Variants in SIL1 observed in about 807,000 individuals in gnomAD.
SIL1 encodes the protein SIL1 nucleotide exchange factor.
Under a neutral mutation model 49.1 loss-of-function variants are expected in SIL1, and 40 were observed. The ratio of observed to expected loss-of-function variants is 0.81; its 90% CI spans 0.63 to 1.06. SIL1 has a LOEUF of 1.06. Ranked by LOEUF, SIL1 falls within the 50% of genes least tolerant of loss-of-function variation. The probability of loss-of-function intolerance (pLI) is 0.00; values close to 1 mark genes in which losing one functional copy is unlikely to be tolerated. For synonymous variants in SIL1, 253 were observed against 250.8 expected (o/e 1.01, Z -0.08); for missense variants, 500 against 572.6 (o/e 0.87, Z 1.29).
intron 7 of SIL1, among the ~76,000 whole-genome samples, chr5:138,960,221 T>G (rs1274127297): frequency 6.6e-6 from 1 of 152,196 alleles, no homozygotes; most frequent in African/African-American, 2.4e-5. Flanking sequence ...TACATGGTTA[T>G]CTCTTCCTGA....
At chr5:139,087,542 C>A (rs995548724) in intron 3 of SIL1, among the ~76,000 whole-genome samples, 4 of 152,060 alleles carry the variant, frequency 2.6e-5, no homozygotes, top group Middle Eastern at 3.2e-3. Context: ...GAGACCCTAT[C>A]TCAAAAAATA....
intron 1 of SIL1, among the ~76,000 whole-genome samples, chr5:139,184,609 G>A (rs1241945539): frequency 6.6e-6 from 1 of 152,148 alleles, no homozygotes; most frequent in Non-Finnish European, 1.5e-5. Flanking sequence ...AGATTTTGAG[G>A]TTGCAGTGAG....
rs1037635695 is a variant in SIL1 at position 139,197,740 on chromosome 5, G to A, written c.-11+529C>T. Among the ~76,000 whole-genome samples the A allele has an allele frequency of 3.3e-5, 5 of 152,092 alleles. No homozygotes were observed. The South Asian group carries it at 6.2e-4, about 19-fold the overall frequency. On this transcript the variant is annotated intron_variant, in intron 1 of 9. Coordinates refer to ENST00000394817, the MANE Select transcript of SIL1 (RefSeq NM_022464.5). ...ACAGCTGCCCACGCACCATCTTATC[G>A]GAAATCCCAGGGAATGGAGCCCAAG... is the stretch of plus-strand genomic sequence containing the variant.
intron 3 of SIL1, among the ~76,000 whole-genome samples, chr5:139,077,517 C>T (rs2151768588): frequency 6.6e-6 from 1 of 152,270 alleles, no homozygotes; most frequent in Non-Finnish European, 1.5e-5. Context: ...TCCAGTCTAG[C>T]AACCTTTTTA....
intron 1 of SIL1, among the ~76,000 whole-genome samples, chr5:139,129,071 T>A (rs1750810096): frequency 6.6e-6 from 1 of 151,882 alleles, no homozygotes; most frequent in African/African-American, 2.4e-5. Context: ...CGCGTAAGCC[T>A]GGGAGGCAAA....
At chr5:139,183,848 G>C (rs1752034020) in intron 1 of SIL1, among the ~76,000 whole-genome samples, 1 of 152,116 alleles carries the variant, frequency 6.6e-6, no homozygotes, top group South Asian at 2.1e-4. Context: ...ACTCTCTCTG[G>C]GATGTGGAGC....
At chr5:139,189,784 G>A (rs2151822939) in intron 1 of SIL1, among the ~76,000 whole-genome samples, 1 of 152,292 alleles carries the variant, frequency 6.6e-6, no homozygotes, top group Non-Finnish European at 1.5e-5. Flanking sequence ...CTGTGCCACT[G>A]AACTCCAGCC....
At chr5:139,012,801 C>T (rs956168372) in intron 7 of SIL1, 3 of 152,136 alleles carry the variant, frequency 2.0e-5, no homozygotes, top group Non-Finnish European at 4.4e-5. Flanking sequence ...GACCCTGTCT[C>T]TACAAAACAA....
intron 7 of SIL1, among the ~76,000 whole-genome samples, chr5:139,006,486 T>C (rs1768121662): frequency 7.7e-6 from 1 of 130,058 alleles, no homozygotes; most frequent in Non-Finnish European, 1.6e-5. Context: ...TTTTGGCTTT[T>C]GTTGCCATTG....
At chr5:139,128,752 C>T (rs979710595) in intron 1 of SIL1, among the ~76,000 whole-genome samples, 18 of 152,122 alleles carry the variant, frequency 1.2e-4, no homozygotes, top group African/African-American at 4.3e-4. Context: ...CCCAAAGCAA[C>T]ATACAGATTC....
chr5:139,147,902 C>A (rs1751223941), intron 1 of SIL1, among the ~76,000 whole-genome samples: 1 of 152,132 alleles, frequency 6.6e-6, no homozygotes, highest in Admixed American at 6.6e-5. Context: ...CGTTCCCAGG[C>A]CCTGGCTTTG....
intron 3 of SIL1, among the ~76,000 whole-genome samples, chr5:139,066,598 T>G (rs1769711656): frequency 1.3e-5 from 2 of 152,244 alleles, no homozygotes; most frequent in African/African-American, 4.8e-5. Context: ...TCTTAGTCAT[T>G]TGGCTTCTTG....
intron 7 of SIL1, among the ~76,000 whole-genome samples, chr5:138,973,176 C>T (rs1767318351): frequency 7.6e-6 from 1 of 130,734 alleles, no homozygotes; most frequent in Non-Finnish European, 1.6e-5. Flanking sequence ...GCGTTGTGCA[C>T]AGGTACCCTA....
At chr5:138,987,425 G>T (rs1333024438) in intron 7 of SIL1, among the ~76,000 whole-genome samples, 2 of 151,994 alleles carry the variant, frequency 1.3e-5, no homozygotes, top group African/African-American at 2.4e-5. Context: ...ATCCATTCTG[G>T]GACCAGAGGA....
chr5:139,086,434 G>A lies in SIL1; in HGVS notation c.244+34601C>T, dbSNP rs377027842. 4.0e-5 allele frequency among the ~76,000 whole-genome samples: 6 copies of A among 151,330 alleles called. No homozygotes were observed. In the East Asian group the frequency reaches 7.9e-4, roughly 20 times the overall value. Reference sequence around the variant, plus strand: ...GGCTGGAGTGCAATGGCACTATCTCGGCTCACTGCAACCTCTACCTCCCAG... The same window carrying A: ...GGCTGGAGTGCAATGGCACTATCTCAGCTCACTGCAACCTCTACCTCCCAG... On this transcript the variant is annotated intron_variant, in intron 3 of 9. Coordinates refer to ENST00000394817, the MANE Select transcript of SIL1 (RefSeq NM_022464.5).
intron 1 of SIL1, among the ~76,000 whole-genome samples, chr5:139,170,953 G>A (rs1281358543): frequency 6.8e-6 from 1 of 147,942 alleles, no homozygotes; most frequent in South Asian, 2.2e-4. Context: ...GGGAGGTGGG[G>A]GGGTCAGTCC....
chr5:139,134,583 C>T (rs72790929), intron 1 of SIL1, among the ~76,000 whole-genome samples: 38 of 152,288 alleles, frequency 2.5e-4, no homozygotes, highest in Non-Finnish European at 4.6e-4. Context: ...AGGACCAAAG[C>T]CTTTTGTTGG....
At chr5:139,048,349 T>C (rs1257833144) in intron 4 of SIL1, among the ~76,000 whole-genome samples, 1 of 150,348 alleles carries the variant, frequency 6.7e-6, no homozygotes, top group Admixed American at 6.6e-5. Context: ...TTTTTTCTGT[T>C]TTGCTTTTTT....
At chr5:139,055,766 C>G (rs1216424095) in intron 3 of SIL1, among the ~76,000 whole-genome samples, 1 of 149,426 alleles carries the variant, frequency 6.7e-6, no homozygotes, top group East Asian at 2.0e-4. Flanking sequence ...ACTGCAACCT[C>G]CCTGCCTGAT....
Sources: gnomAD v4.1 joint callset for allele counts (sites outside exome capture counted in the v4.1 genomes callset) on GRCh38, gnomAD v4.1.1 for gene constraint, MANE v1.5 for transcripts, NCBI Gene and HGNC (gene_info 2026-07-23, HGNC 2026-07-21) for gene names.